The following ADGRL3 variants were observed in gnomAD, a reference collection of about 807,000 sequenced individuals.
ADGRL3 encodes the protein calcium-independent alpha-latrotoxin receptor 3.
A neutral mutation model predicts 153.5 loss-of-function variants in ADGRL3; 62 were observed. That is an observed-to-expected ratio of 0.40 (90% CI 0.33 to 0.50). ADGRL3 has a LOEUF of 0.50. Ranked by LOEUF, ADGRL3 falls within the 20% of genes least tolerant of loss-of-function variation. The pLI is 0.47. For synonymous variants in ADGRL3, 710 were observed against 672.5 expected (o/e 1.06, Z -0.86); for missense variants, 1,641 against 1,859.4 (o/e 0.88, Z 2.16).
At chr4:62,030,693 T>C (rs1438512525) in intron 22 of ADGRL3, among the ~76,000 whole-genome samples, 1 of 151,548 alleles carries the variant, frequency 6.6e-6, no homozygotes, top group Non-Finnish European at 1.5e-5. Flanking sequence ...CCCTTGAGTT[T>C]ACAGACACTT....
At position 62,006,030 on chromosome 4, in the gene ADGRL3, A is replaced by AT. The variant is rs1345713033; in HGVS notation, c.3395+7766dup. Among the ~76,000 whole-genome samples the AT allele has an allele frequency of 7.6e-3, 611 of 80,214 alleles. 15 individuals are homozygous for AT. Among genetic ancestry groups the AT allele is most frequent in the Middle Eastern group, 0.017 (2 of 120 alleles). The allele number at this position is 80,214 out of a possible 152,430, so 52.6% of individuals were successfully genotyped here. A position where few individuals can be genotyped will look rare whatever the true frequency, so the allele number is the denominator to read the frequency against. On this transcript the variant is annotated intron_variant, in intron 21 of 26. Coordinates refer to ENST00000683033, the MANE Select transcript of ADGRL3 (RefSeq NM_001387552.1). ...TATATATATATATATATATATATAT[A>AT]TATTTTTTTTTTTTTTTGAGAAAGG... is the stretch of plus-strand genomic sequence containing the variant.
At chr4:61,285,226 A>G (rs1048263923) in intron 1 of ADGRL3, among the ~76,000 whole-genome samples, 12 of 151,866 alleles carry the variant, frequency 7.9e-5, no homozygotes, top group African/African-American at 1.7e-4. Flanking sequence ...GACAAATTTG[A>G]TAAGCCTTTA....
At chr4:61,821,063 GTTTGTCTGTTTCAT>G (rs1458571559) in intron 9 of ADGRL3, among the ~76,000 whole-genome samples, 1 of 151,382 alleles carries the variant, frequency 6.6e-6, no homozygotes, top group African/African-American at 2.4e-5. Context: ...TTTATTTTGT[GTTTGTCTGTTTCAT>G]TGTTTTCCTG....
At chr4:61,251,880 A>ATTGTTT (rs1759432539) in intron 1 of ADGRL3, among the ~76,000 whole-genome samples, 1 of 82,128 alleles carries the variant, frequency 1.2e-5, no homozygotes, top group Non-Finnish European at 2.6e-5. Context: ...TTTTTTTTTA[A>ATTGTTT]TTTTTTTATT....
chr4:62,043,309 TA>T (rs1228619261), intron 24 of ADGRL3, among the ~76,000 whole-genome samples: 2 of 152,072 alleles, frequency 1.3e-5, no homozygotes, highest in African/African-American at 4.8e-5. Context: ...CAATAGAGGG[TA>T]ATTAATATTT....
chr4:61,279,523 C>T (rs925253315), intron 1 of ADGRL3, among the ~76,000 whole-genome samples: 1 of 152,052 alleles, frequency 6.6e-6, no homozygotes, highest in African/African-American at 2.4e-5. Context: ...TAAGCTCAGA[C>T]CTAAAAAATT....
intron 2 of ADGRL3, among the ~76,000 whole-genome samples, chr4:61,411,705 C>T (rs1173140885): frequency 6.6e-6 from 1 of 151,954 alleles, no homozygotes; most frequent in East Asian, 1.9e-4. Flanking sequence ...ATTATGTTTT[C>T]TCCACATTCA....
At chr4:61,889,780 G>A (rs1581319612) in intron 9 of ADGRL3, among the ~76,000 whole-genome samples, 1 of 152,038 alleles carries the variant, frequency 6.6e-6, no homozygotes, top group Admixed American at 6.6e-5. Context: ...GCCATGGCCC[G>A]CTGTGCATGA....
At chr4:61,920,027 A>G (rs2098761489) in intron 13 of ADGRL3, among the ~76,000 whole-genome samples, 1 of 152,128 alleles carries the variant, frequency 6.6e-6, no homozygotes, top group African/African-American at 2.4e-5. Context: ...CTTTGCACCA[A>G]CTTGTATTCT....
chr4:61,336,017 T>C (rs2095667385), intron 1 of ADGRL3, among the ~76,000 whole-genome samples: 1 of 152,110 alleles, frequency 6.6e-6, no homozygotes, highest in African/African-American at 2.4e-5. Context: ...AACATGTTGA[T>C]AAAAAGAAAA....
chr4:61,480,363 C>A (rs2098118640), intron 2 of ADGRL3, among the ~76,000 whole-genome samples: 1 of 152,104 alleles, frequency 6.6e-6, no homozygotes, highest in Non-Finnish European at 1.5e-5. Flanking sequence ...AGCAATAGTT[C>A]CTTCAAATTT....
chr4:61,462,971 C>G (rs1204106208), intron 2 of ADGRL3, among the ~76,000 whole-genome samples: 2 of 152,116 alleles, frequency 1.3e-5, no homozygotes, highest in African/African-American at 2.4e-5. Context: ...TCCAAGGTCT[C>G]TGCTAGAAAA....
At chr4:61,369,438 A>G (rs909856174) in intron 1 of ADGRL3, among the ~76,000 whole-genome samples, 30 of 152,184 alleles carry the variant, frequency 2.0e-4, no homozygotes, top group African/African-American at 7.2e-4. Flanking sequence ...TTTTAGCATG[A>G]AGGGTTGTTG....
chr4:61,506,896 G>C (rs528543013), intron 3 of ADGRL3, among the ~76,000 whole-genome samples: 1 of 151,758 alleles, frequency 6.6e-6, no homozygotes, highest in African/African-American at 2.4e-5. Flanking sequence ...ATGATGTGAG[G>C]AAAAAACCTA....
chr4:61,484,829 A>G (rs995706609), intron 2 of ADGRL3, among the ~76,000 whole-genome samples: 3 of 152,184 alleles, frequency 2.0e-5, no homozygotes, highest in African/African-American at 7.2e-5. Context: ...CATCTATTTT[A>G]AAAGTTAGCT....
intron 19 of ADGRL3, among the ~76,000 whole-genome samples, chr4:61,991,543 T>G (rs1164361781): frequency 6.6e-6 from 1 of 152,062 alleles, no homozygotes; most frequent in East Asian, 1.9e-4. Flanking sequence ...TTTTGATATA[T>G]TAGAAGTAGT....
intron 2 of ADGRL3, among the ~76,000 whole-genome samples, chr4:61,485,578 TGTTAA>T (rs2098181801): frequency 6.6e-6 from 1 of 152,192 alleles, no homozygotes; most frequent in Non-Finnish European, 1.5e-5. Context: ...AACTATGTTA[TGTTAA>T]CCTAGCTCAT....
intron 9 of ADGRL3, among the ~76,000 whole-genome samples, chr4:61,881,374 T>C (rs929865766): frequency 1.3e-5 from 2 of 152,168 alleles, no homozygotes; most frequent in South Asian, 2.1e-4. Context: ...ACATGGAGGA[T>C]AATTTTCTTT....
intron 8 of ADGRL3, among the ~76,000 whole-genome samples, chr4:61,768,705 A>G (rs975218984): frequency 1.5e-4 from 22 of 143,230 alleles, no homozygotes; most frequent in Non-Finnish European, 3.3e-4. Context: ...AGTTCTTAAG[A>G]ATACAGGCTA....
Sources: allele counts gnomAD v4.1 joint callset (sites outside exome capture counted in the v4.1 genomes callset), GRCh38; gene constraint gnomAD v4.1.1; transcripts MANE v1.5; gene names NCBI Gene and HGNC (gene_info 2026-07-23, HGNC 2026-07-21).